The following BICDL1 variants were observed in gnomAD, a reference collection of about 807,000 sequenced individuals.
BICDL1 encodes the protein BICD family-like cargo adapter 1.
A neutral mutation model predicts 76.8 loss-of-function variants in BICDL1; 20 were observed. The observed-to-expected ratio is 0.26, with a 90% CI of 0.18 to 0.38. The LOEUF (loss-of-function observed/expected upper bound fraction) is 0.38, where lower values mean the gene tolerates loss of function less well. BICDL1 is among the 10% of genes least tolerant of loss of function. BICDL1 has a pLI of 1.00. For missense variants in BICDL1, 700 were observed against 798.6 expected (o/e 0.88, Z 1.49); for synonymous variants, 383 against 337.1 (o/e 1.14, Z -1.49).
chr12:120,019,719 G>A (rs775588985), intron 2 of BICDL1, among the ~76,000 whole-genome samples: 1 of 151,980 alleles, frequency 6.6e-6, no homozygotes, highest in Non-Finnish European at 1.5e-5. Context: ...CAAGTAGCTG[G>A]GACTACAGGT....
chr12:120,038,045 C>A (rs1325563503), intron 2 of BICDL1, among the ~76,000 whole-genome samples: 1 of 152,184 alleles, frequency 6.6e-6, no homozygotes, highest in African/African-American at 2.4e-5. Flanking sequence ...TTGTCCCATG[C>A]TTTTGAAGCC....
intron 3 of BICDL1, among the ~76,000 whole-genome samples, chr12:120,062,149 C>T (rs1487477583): frequency 1.3e-5 from 2 of 152,176 alleles, no homozygotes; most frequent in African/African-American, 4.8e-5. Flanking sequence ...AGGCCCAGTT[C>T]AGTCCAACTT....
intron 8 of BICDL1, among the ~76,000 whole-genome samples, chr12:120,084,229 C>T (rs1410858882): frequency 6.6e-6 from 1 of 152,030 alleles, no homozygotes; most frequent in African/African-American, 2.4e-5. Context: ...GTCTCGATCT[C>T]CTGACCTTGT....
intron 4 of BICDL1, among the ~76,000 whole-genome samples, chr12:120,068,702 G>A (rs542914701): frequency 1.3e-5 from 2 of 152,354 alleles, no homozygotes; most frequent in South Asian, 4.1e-4. Context: ...TGTGGTCCCA[G>A]CTACTAGGGA....
intron 2 of BICDL1, among the ~76,000 whole-genome samples, chr12:120,019,428 G>C (rs979159064): frequency 6.6e-6 from 1 of 152,204 alleles, no homozygotes; most frequent in Non-Finnish European, 1.5e-5. Flanking sequence ...GTATTTTAGA[G>C]TCATTTATAT....
Position 120,064,854 on chromosome 12 carries a change from G to A in BICDL1, c.884G>A (p.Arg295Lys). ...CAGGACCGGGTGCTAATCCTGGAGA[G>A]GCAGGGCCATGACAAGGACCTACAG... is the stretch of plus-strand genomic sequence containing the variant. The part of the protein sequence containing the change: ...ELQDRVLILE[R>K]QGHDKDLQLH... Residue 295 changes from arginine to lysine, a missense_variant, in exon 4 of 10, where the codon AGG (arginine) becomes AAG (lysine). By Grantham distance (26) the Arg-to-Lys change is conservative. Around this residue, in one of 3 missense-constraint regions of BICDL1, gnomAD observed 455 missense variants for 548.7 expected, o/e 0.83. Transcript: ENST00000548673. 6.2e-7 allele frequency: 1 copy of A among 1,612,518 alleles called. No homozygotes were observed. Among genetic ancestry groups the A allele is most frequent in the Non-Finnish European group, 8.5e-7 (1 of 1,179,280 alleles).
chr12:120,067,630 C>G (rs555004553), intron 4 of BICDL1, among the ~76,000 whole-genome samples: 2 of 152,158 alleles, frequency 1.3e-5, no homozygotes, highest in African/African-American at 4.8e-5. Flanking sequence ...CTCTCCTGGT[C>G]TTTTGTTCCC....
chr12:119,995,934 C>T (rs986941434), intron 1 of BICDL1, among the ~76,000 whole-genome samples: 5 of 150,584 alleles, frequency 3.3e-5, no homozygotes, highest in East Asian at 1.9e-4. Context: ...TGCAGTGAGC[C>T]GAGATCATGC....
chr12:120,051,074 CAGAGCTGGAGTGCCT>C (rs1327726966), intron 2 of BICDL1, among the ~76,000 whole-genome samples: 2 of 151,168 alleles, frequency 1.3e-5, no homozygotes, highest in South Asian at 2.1e-4. Flanking sequence ...CTCTGTCGCC[CAGAGCTGGAGTGCCT>C]AGAGCTGGAG....
chr12:119,994,026 T>C lies in BICDL1; in HGVS notation c.429+3729T>C, dbSNP rs923761166. On this transcript the variant is annotated intron_variant, in intron 1 of 9. Transcript: ENST00000548673. Reference sequence around the variant, plus strand: ...TGTCCTTAGCTTTTTCCCCAGAATATGAAGTAAGACAGTAACTTGTATTTA... The same window carrying C: ...TGTCCTTAGCTTTTTCCCCAGAATACGAAGTAAGACAGTAACTTGTATTTA... Among the ~76,000 whole-genome samples the C allele has an allele frequency of 3.9e-5, 6 of 152,282 alleles. No individual in the cohort carries two copies. The East Asian group carries it at 7.7e-4, about 19-fold the overall frequency.
At chr12:120,054,705 C>T (rs1952938670) in intron 2 of BICDL1, among the ~76,000 whole-genome samples, 1 of 151,992 alleles carries the variant, frequency 6.6e-6, no homozygotes, top group South Asian at 2.1e-4. Flanking sequence ...GAAGGAATTC[C>T]ATCTCTACTA....
chr12:120,029,952 TTTTG>T (rs1247629857), intron 2 of BICDL1, among the ~76,000 whole-genome samples: 1 of 152,176 alleles, frequency 6.6e-6, no homozygotes, highest in African/African-American at 2.4e-5. Flanking sequence ...CGGCCCAGAA[TTTTG>T]TTTTTTGTTG....
chr12:120,091,527 T>C (rs1874967655), intron 9 of BICDL1: 1 of 985,562 alleles, frequency 1.0e-6, no homozygotes. Flanking sequence ...AGGGACCGTG[T>C]GTTGGCAAAT....
chr12:120,092,382 A>G (rs888187255), intron 9 of BICDL1: 31 of 985,372 alleles, frequency 3.1e-5, no homozygotes, highest in African/African-American at 7.0e-5. Context: ...CAGCCCCTGA[A>G]GACCGTGAGG....
intron 2 of BICDL1, among the ~76,000 whole-genome samples, chr12:120,046,645 C>G (rs1952755455): frequency 6.6e-6 from 1 of 152,118 alleles, no homozygotes; most frequent in Admixed American, 6.6e-5. Context: ...TCCACAAGAC[C>G]TATGTCTTAT....
intron 2 of BICDL1, among the ~76,000 whole-genome samples, chr12:120,003,719 A>G (rs535529953): frequency 6.6e-6 from 1 of 152,228 alleles, no homozygotes; most frequent in Non-Finnish European, 1.5e-5. Flanking sequence ...GCTTTTGTGC[A>G]TTGATTTAAA....
intron 1 of BICDL1, chr12:119,992,665 G>C (rs1409976756): frequency 6.6e-6 from 1 of 152,246 alleles, no homozygotes; most frequent in Admixed American, 6.5e-5. Context: ...GATTACAGGA[G>C]TGAACCATTG....
chr12:120,046,278 CT>C (rs1952748880), intron 2 of BICDL1, among the ~76,000 whole-genome samples: 2 of 152,316 alleles, frequency 1.3e-5, no homozygotes, highest in South Asian at 4.1e-4. Context: ...TCTTCAGGCT[CT>C]TTAAGGTCTG....
intron 2 of BICDL1, among the ~76,000 whole-genome samples, chr12:120,015,134 CCACTTG>C (rs1173771030): frequency 1.3e-5 from 2 of 152,124 alleles, no homozygotes; most frequent in Admixed American, 1.3e-4. Flanking sequence ...CTGCCCCTTC[CCACTTG>C]CAGTGGGAAG....
Sources: gnomAD v4.1 joint callset for allele counts (sites outside exome capture counted in the v4.1 genomes callset) on GRCh38, gnomAD v4.1.1 for gene constraint, gnomAD v4.1.1 regional missense constraint, MANE v1.5 for transcripts, NCBI Gene and HGNC (gene_info 2026-07-23, HGNC 2026-07-21) for gene names.